Variants in OPCML observed in about 807,000 individuals in gnomAD.
OPCML encodes the protein opioid-binding protein/cell adhesion molecule.
A neutral mutation model predicts 37.8 loss-of-function variants in OPCML; 13 were observed. The observed-to-expected ratio is 0.34, with a 90% CI of 0.22 to 0.55. The LOEUF (loss-of-function observed/expected upper bound fraction) is 0.55, where lower values mean the gene tolerates loss of function less well. OPCML is among the 20% of genes least tolerant of loss of function. The pLI is 0.91. For synonymous variants in OPCML, 176 were observed against 168.8 expected (o/e 1.04, Z -0.33); for missense variants, 341 against 435.6 (o/e 0.78, Z 1.93).
chr11:132,709,082 G>A (rs1405903925), intron 2 of OPCML, among the ~76,000 whole-genome samples: 1 of 152,140 alleles, frequency 6.6e-6, no homozygotes, highest in African/African-American at 2.4e-5. Context: ...GGAATTTTCT[G>A]ACAAGCTGTG....
chr11:132,815,179 C>T (rs1353152225), intron 2 of OPCML, among the ~76,000 whole-genome samples: 1 of 152,192 alleles, frequency 6.6e-6, no homozygotes, highest in Non-Finnish European at 1.5e-5. Flanking sequence ...ATTTCTCATT[C>T]TTCCATGAGT....
intron 4 of OPCML, among the ~76,000 whole-genome samples, chr11:132,507,986 A>G (rs1027491668): frequency 2.0e-5 from 3 of 152,184 alleles, no homozygotes; most frequent in Admixed American, 6.5e-5. Flanking sequence ...TCTTTTCCTG[A>G]CTAAACATTT....
At chr11:132,810,070 C>G (rs1266951106) in intron 2 of OPCML, among the ~76,000 whole-genome samples, 2 of 151,982 alleles carry the variant, frequency 1.3e-5, no homozygotes, top group African/African-American at 4.8e-5. Flanking sequence ...AGGATGGACT[C>G]GAAGTCCTAA....
At chr11:133,513,230 G>A (rs940282499) in intron 1 of OPCML, among the ~76,000 whole-genome samples, 1 of 152,132 alleles carries the variant, frequency 6.6e-6, no homozygotes, top group Non-Finnish European at 1.5e-5. Flanking sequence ...ATTGAGAAAT[G>A]TGTGGGGTTA....
chr11:132,870,072 C>A (rs1591730228), intron 2 of OPCML, among the ~76,000 whole-genome samples: 1 of 152,158 alleles, frequency 6.6e-6, no homozygotes, highest in Non-Finnish European at 1.5e-5. Flanking sequence ...CACTAGATTT[C>A]TTTAACCACG....
intron 2 of OPCML, among the ~76,000 whole-genome samples, chr11:132,880,690 C>T (rs1291062933): frequency 6.6e-6 from 1 of 152,242 alleles, no homozygotes; most frequent in Non-Finnish European, 1.5e-5. Context: ...CTGGTTAGCA[C>T]TTACAGTAAT....
intron 1 of OPCML, among the ~76,000 whole-genome samples, chr11:133,100,536 T>G (rs1027237278): frequency 1.3e-5 from 2 of 152,190 alleles, no homozygotes; most frequent in African/African-American, 4.8e-5. Context: ...AAAACAAAGT[T>G]GGAGGACTGA....
intron 2 of OPCML, among the ~76,000 whole-genome samples, chr11:132,864,142 TGG>T (rs1015957384): frequency 7.2e-5 from 11 of 152,010 alleles, no homozygotes; most frequent in African/African-American, 2.7e-4. Context: ...TTCACCATGT[TGG>T]CCAGGCTGGT....
intron 4 of OPCML, among the ~76,000 whole-genome samples, chr11:132,478,944 T>C (rs1198574899): frequency 6.6e-6 from 1 of 152,206 alleles, no homozygotes; most frequent in African/African-American, 2.4e-5. Context: ...GCTGAACATG[T>C]ATCAAATGTT....
At chr11:132,788,165 T>C (rs536476955) in intron 2 of OPCML, among the ~76,000 whole-genome samples, 17 of 152,208 alleles carry the variant, frequency 1.1e-4, no homozygotes, top group Non-Finnish European at 2.1e-4. Context: ...AGGCGTGAGC[T>C]ACCGTGCCTG....
At chr11:133,359,879 T>C (rs1189896661) in intron 1 of OPCML, 1 of 152,240 alleles carries the variant, frequency 6.6e-6, no homozygotes, top group African/African-American at 2.4e-5. Flanking sequence ...AGAGGATTTA[T>C]CCATTAAAAG....
intron 2 of OPCML, among the ~76,000 whole-genome samples, chr11:132,731,714 C>T (rs763794553): frequency 9.9e-5 from 15 of 152,100 alleles, no homozygotes; most frequent in Admixed American, 2.6e-4. Flanking sequence ...AGACTGTTAA[C>T]GATTTTTGAG....
intron 1 of OPCML, among the ~76,000 whole-genome samples, chr11:133,375,185 C>T (rs1213154389): frequency 1.3e-5 from 2 of 152,214 alleles, no homozygotes; most frequent in Non-Finnish European, 2.9e-5. Context: ...ATTCTCATGA[C>T]GTGCTAGATG....
intron 4 of OPCML, among the ~76,000 whole-genome samples, chr11:132,487,045 T>C (rs1479626959): frequency 6.6e-6 from 1 of 152,222 alleles, no homozygotes; most frequent in Non-Finnish European, 1.5e-5. Flanking sequence ...TGCTGTATTT[T>C]CAACTTTGCC....
intron 2 of OPCML, chr11:132,860,908 G>A (rs920535354): frequency 1.3e-5 from 2 of 152,150 alleles, no homozygotes; most frequent in East Asian, 3.9e-4. Flanking sequence ...GAGGTAGTAG[G>A]CAAAATTTTG....
At position 132,513,898 on chromosome 11, in the gene OPCML, C is replaced by T. The variant is rs1224938668; in HGVS notation, c.505+15163G>A. Among the ~76,000 whole-genome samples the T allele has an allele frequency of 2.0e-5, 3 of 152,252 alleles. No individual in the cohort carries two copies. In the East Asian group the frequency reaches 5.8e-4, roughly 29 times the overall value. The stretch of plus-strand genomic sequence containing the variant: ...TAAACTTTGAGCTTCCTGGAGAAAA[C>T]TATAATTTTATTTATTCTTCTGTTT... On this transcript the variant is annotated intron_variant, in intron 4 of 7. Coordinates refer to ENST00000524381, the MANE Select transcript of OPCML (RefSeq NM_001012393.5).
At chr11:133,353,936 C>T (rs77672830) in intron 1 of OPCML, among the ~76,000 whole-genome samples, 128 of 152,250 alleles carry the variant, frequency 8.4e-4, no homozygotes, top group African/African-American at 3.0e-3. Flanking sequence ...CCTTTTATCA[C>T]ATTTCTGTCC....
chr11:133,052,077 A>T lies in OPCML; in HGVS notation c.62-109067T>A, dbSNP rs375643464. 3.0e-4 allele frequency among the ~76,000 whole-genome samples: 45 copies of T among 152,336 alleles called. No homozygotes were observed. The East Asian group carries it at 6.2e-3, about 21-fold the overall frequency. On this transcript the variant is annotated intron_variant, in intron 1 of 7. Coordinates refer to ENST00000524381, the MANE Select transcript of OPCML (RefSeq NM_001012393.5). Reference sequence around the variant, plus strand: ...CAGGGGACATCACAAAGAGATTTGAAGATTTTATACTAAGGCAGTTTTTTT... The same window carrying T: ...CAGGGGACATCACAAAGAGATTTGATGATTTTATACTAAGGCAGTTTTTTT...
chr11:133,439,751 G>A (rs1946324963), intron 1 of OPCML, among the ~76,000 whole-genome samples: 2 of 152,108 alleles, frequency 1.3e-5, no homozygotes, highest in East Asian at 1.9e-4. Context: ...GCAGGTGTGA[G>A]CCACCGAGCC....
Sources: gnomAD v4.1 joint callset for allele counts (sites outside exome capture counted in the v4.1 genomes callset) on GRCh38, gnomAD v4.1.1 for gene constraint, MANE v1.5 for transcripts, NCBI Gene and HGNC (gene_info 2026-07-23, HGNC 2026-07-21) for gene names.